DLEU7: variants seen among roughly 807,000 people sequenced by gnomAD.
The protein encoded by DLEU7 is leukemia-associated protein 7.
Under a neutral mutation model 16.0 loss-of-function variants are expected in DLEU7, and 17 were observed. The ratio of observed to expected loss-of-function variants is 1.06; its 90% CI spans 0.73 to 1.59. The LOEUF (loss-of-function observed/expected upper bound fraction) is 1.59. DLEU7 is among the 40% of genes most tolerant of loss of function. The probability of loss-of-function intolerance (pLI) is 0.00; values close to 1 mark genes in which losing one functional copy is unlikely to be tolerated. For missense variants in DLEU7, 308 were observed against 314.9 expected (o/e 0.98, Z 0.17); for synonymous variants, 113 against 139.8 (o/e 0.81, Z 1.35).
intron 1 of DLEU7, among the ~76,000 whole-genome samples, chr13:50,833,964 T>C (rs564649696): frequency 7.0e-4 from 107 of 152,292 alleles, no homozygotes; most frequent in African/African-American, 2.6e-3. Flanking sequence ...TAAAAAATAG[T>C]GTTGGGAAAA....
At chr13:50,820,254 C>T (rs368280623), downstream of DLEU7, among the ~76,000 whole-genome samples, 4 of 151,724 alleles carry the variant, frequency 2.6e-5, no homozygotes, top group East Asian at 3.9e-4. Flanking sequence ...TTGTAAGTAA[C>T]TAATTTGGAC....
At chr13:50,760,482 C>CT (rs1236680992) in intron 1 of DLEU7, among the ~76,000 whole-genome samples, 1 of 152,136 alleles carries the variant, frequency 6.6e-6, no homozygotes. Flanking sequence ...CTGCCTCAGC[C>CT]TCACAAGTCG....
intron 1 of DLEU7, among the ~76,000 whole-genome samples, chr13:50,755,754 AGG>A (rs35989951): frequency 2.0e-5 from 3 of 149,276 alleles, no homozygotes; most frequent in Non-Finnish European, 3.0e-5. Context: ...TTTTTTTTTG[AGG>A]GGGGGGGCAC....
chr13:50,834,613 C>A (rs543230300), intron 1 of DLEU7, among the ~76,000 whole-genome samples: 1 of 152,224 alleles, frequency 6.6e-6, no homozygotes, highest in Non-Finnish European at 1.5e-5. Context: ...ATTAGTTCAA[C>A]CATTGTGGAA....
chr13:50,825,483 T>C (rs1442399801), intron 1 of DLEU7, among the ~76,000 whole-genome samples: 2 of 152,154 alleles, frequency 1.3e-5, no homozygotes, highest in African/African-American at 4.8e-5. Flanking sequence ...TACATATTAT[T>C]CTTGAAAAAA....
intron 1 of DLEU7, among the ~76,000 whole-genome samples, chr13:50,792,922 C>T (rs1015514493): frequency 6.6e-6 from 1 of 150,828 alleles, no homozygotes. Flanking sequence ...AGTTTCGTTA[C>T]AAATTATATT....
At chr13:50,716,908 AG>A (rs1873454322) in intron 1 of DLEU7, among the ~76,000 whole-genome samples, 1 of 152,212 alleles carries the variant, frequency 6.6e-6, no homozygotes, top group South Asian at 2.1e-4. Flanking sequence ...GATGGGAAGG[AG>A]GCAGACTTAT....
intron 1 of DLEU7, among the ~76,000 whole-genome samples, chr13:50,724,213 C>T (rs983556185): frequency 6.6e-6 from 1 of 152,150 alleles, no homozygotes; most frequent in Admixed American, 6.5e-5. Context: ...TAATGAAATC[C>T]CCTTGTTCGT....
chr13:50,811,667 T>C (rs1593405041), intron 1 of DLEU7, among the ~76,000 whole-genome samples: 1 of 152,106 alleles, frequency 6.6e-6, no homozygotes, highest in Non-Finnish European at 1.5e-5. Flanking sequence ...GGATGCTAAG[T>C]AGGAAAGCCT....
At chr13:50,775,961 A>G (rs962157742) in intron 1 of DLEU7, among the ~76,000 whole-genome samples, 1 of 152,138 alleles carries the variant, frequency 6.6e-6, no homozygotes, top group Non-Finnish European at 1.5e-5. Context: ...TAATCTATCA[A>G]TTGAGTTTTA....
intron 1 of DLEU7, among the ~76,000 whole-genome samples, chr13:50,842,467 A>C (rs1877698383): frequency 6.6e-6 from 1 of 152,192 alleles, no homozygotes; most frequent in Admixed American, 6.5e-5. Context: ...AGATTTCCGC[A>C]ATCTCACTCA....
chr13:50,796,603 T>C (rs1464559555), intron 1 of DLEU7, among the ~76,000 whole-genome samples: 1 of 152,174 alleles, frequency 6.6e-6, no homozygotes, highest in African/African-American at 2.4e-5. Flanking sequence ...AAACCAGGTA[T>C]AAGTGGGAAC....
At chr13:50,748,536 C>A (rs968980434) in intron 1 of DLEU7, among the ~76,000 whole-genome samples, 7 of 151,928 alleles carry the variant, frequency 4.6e-5, no homozygotes, top group Non-Finnish European at 1.0e-4. Flanking sequence ...GCTTTTGGAA[C>A]AAATAAAGAT....
chr13:50,835,992 T>A (rs1294958084), intron 1 of DLEU7, among the ~76,000 whole-genome samples: 3 of 152,234 alleles, frequency 2.0e-5, no homozygotes, highest in Non-Finnish European at 4.4e-5. Context: ...AAACCCAATA[T>A]GACTTAATAG....
intron 1 of DLEU7, among the ~76,000 whole-genome samples, chr13:50,795,881 T>C (rs1876094407): frequency 6.6e-6 from 1 of 152,340 alleles, no homozygotes; most frequent in South Asian, 2.1e-4. Context: ...GTTTAAAAAA[T>C]GGGACTGCAA....
At chr13:50,750,839 G>A (rs545227304) in intron 1 of DLEU7, among the ~76,000 whole-genome samples, 5 of 152,296 alleles carry the variant, frequency 3.3e-5, no homozygotes, top group South Asian at 4.1e-4. Flanking sequence ...CTTTCTGGAG[G>A]AGTCTTTAGG....
intron 1 of DLEU7, among the ~76,000 whole-genome samples, chr13:50,784,303 T>C (rs972998653): frequency 2.0e-5 from 3 of 152,166 alleles, no homozygotes; most frequent in African/African-American, 7.2e-5. Context: ...TTTTCACAGC[T>C]CCTTAGAGGC....
intron 1 of DLEU7, among the ~76,000 whole-genome samples, chr13:50,832,093 A>T (rs1289374971): frequency 6.6e-6 from 1 of 152,162 alleles, no homozygotes; most frequent in African/African-American, 2.4e-5. Flanking sequence ...GGTGGAATTC[A>T]ACTGTGAATC....
chr13:50,740,135 A>AT lies in DLEU7; in HGVS notation c.460-26896dup, dbSNP rs574704777. On this transcript the variant is annotated intron_variant, in intron 1 of 1. Transcript: ENST00000400393. ...CTTTATTCCAAAAAGGTGCTTACACATTTTTTTCCTGCAGTATTTAGGCTT... is the reference window on the plus strand; with the variant it reads ...CTTTATTCCAAAAAGGTGCTTACACATTTTTTTTCCTGCAGTATTTAGGCTT... Among the ~76,000 whole-genome samples the AT allele has an allele frequency of 2.5e-3, 382 of 152,184 alleles. 2 individuals carry two copies. The highest frequency in any genetic ancestry group is 5.0e-3 in the Non-Finnish European group (341 of 67,994).
Sources: allele counts gnomAD v4.1 joint callset (sites outside exome capture counted in the v4.1 genomes callset), GRCh38; gene constraint gnomAD v4.1.1; transcripts MANE v1.5; gene names NCBI Gene and HGNC (gene_info 2026-07-23, HGNC 2026-07-21).